The following THRAP3 variants were observed in gnomAD, a reference collection of about 807,000 sequenced individuals.
The protein encoded by THRAP3 is thyroid hormone receptor-associated protein 3.
A neutral mutation model predicts 101.0 loss-of-function variants in THRAP3; 16 were observed. The observed-to-expected ratio is 0.16, with a 90% CI of 0.11 to 0.24. THRAP3 has a LOEUF of 0.24. Among genes scored for constraint, THRAP3 ranks in the 10% least tolerant of loss-of-function variants. The pLI is 1.00. For synonymous variants in THRAP3, 407 were observed against 422.6 expected, an observed-to-expected ratio of 0.96 and a Z score of 0.45; for missense variants, 989 against 1,202.7, an observed-to-expected ratio of 0.82 and a Z score of 2.63.
At chr1:36,294,977 A>G (rs990328943) in intron 8 of THRAP3, among the ~76,000 whole-genome samples, 5 of 152,136 alleles carry the variant, frequency 3.3e-5, no homozygotes, top group African/African-American at 1.2e-4. Flanking sequence ...TAATCCCAGC[A>G]CTTTGGGAGG....
intron 1 of THRAP3, chr1:36,225,486 C>T (rs544251651): frequency 1.8e-4 from 27 of 152,278 alleles, no homozygotes; most frequent in Admixed American, 5.9e-4. Context: ...GACCCCTTTA[C>T]AGGGTTATTG....
chr1:36,290,450 A>G (rs1352533557), intron 5 of THRAP3, among the ~76,000 whole-genome samples: 1 of 151,682 alleles, frequency 6.6e-6, no homozygotes, highest in Non-Finnish European at 1.5e-5. Flanking sequence ...TGGCCTCCCA[A>G]AGTGCTGGGA....
At chr1:36,224,014 A>G (rs945203227), upstream of THRAP3, among the ~76,000 whole-genome samples, 1 of 152,240 alleles carries the variant, frequency 6.6e-6, no homozygotes, top group African/African-American at 2.4e-5. Flanking sequence ...GCTCAAGGTC[A>G]CAAAGCGGAA....
intron 2 of THRAP3, among the ~76,000 whole-genome samples, chr1:36,269,040 A>ATTTTTGTTTGACTAT (rs1645554698): frequency 6.6e-6 from 1 of 150,678 alleles, no homozygotes; most frequent in African/African-American, 2.4e-5. Context: ...TAGTTTTTTA[A>ATTTTTGTTTGACTAT]TCTGGAGAAA....
At chr1:36,246,469 G>A (rs1044522673) in intron 1 of THRAP3, among the ~76,000 whole-genome samples, 1 of 151,984 alleles carries the variant, frequency 6.6e-6, no homozygotes, top group African/African-American at 2.4e-5. Flanking sequence ...CTGATCTCAA[G>A]TTATCTCTCC....
intron 1 of THRAP3, among the ~76,000 whole-genome samples, chr1:36,255,060 T>G (rs535476952): frequency 6.6e-5 from 10 of 152,372 alleles, no homozygotes; most frequent in African/African-American, 2.2e-4. Context: ...AAGGTTTATT[T>G]GCTAAGCTGT....
chr1:36,255,350 C>T (rs559457518), intron 1 of THRAP3, among the ~76,000 whole-genome samples: 4 of 151,294 alleles, frequency 2.6e-5, no homozygotes, highest in African/African-American at 4.8e-5. Context: ...TGCCAGGGGC[C>T]GGGTACTGTG....
At chr1:36,245,341 G>A (rs1570254433) in intron 1 of THRAP3, among the ~76,000 whole-genome samples, 1 of 151,632 alleles carries the variant, frequency 6.6e-6, no homozygotes, top group Admixed American at 6.6e-5. Flanking sequence ...TAATTTTTTT[G>A]TATTTTTAGT....
At chr1:36,274,873 C>T (rs1645636130) in intron 2 of THRAP3, among the ~76,000 whole-genome samples, 1 of 151,074 alleles carries the variant, frequency 6.6e-6, no homozygotes, top group African/African-American at 2.4e-5. Flanking sequence ...CCAAGTGATC[C>T]ACCCGCCTTG....
chr1:36,236,815 A>G (rs1380389161), intron 1 of THRAP3, among the ~76,000 whole-genome samples: 1 of 152,214 alleles, frequency 6.6e-6, no homozygotes, highest in African/African-American at 2.4e-5. Context: ...AAAGTAAACA[A>G]TTTGGGGACA....
At chr1:36,296,010 A>G (rs1227892050) in intron 8 of THRAP3, among the ~76,000 whole-genome samples, 21 of 78,960 alleles carry the variant, frequency 2.7e-4, no homozygotes, top group Admixed American at 1.1e-3. Flanking sequence ...GTCTTGTTCT[A>G]TTGGCCAGGA....
intron 1 of THRAP3, among the ~76,000 whole-genome samples, chr1:36,247,265 T>C (rs1289500601): frequency 6.6e-6 from 1 of 151,116 alleles, no homozygotes; most frequent in East Asian, 2.0e-4. Flanking sequence ...TGCAGTGAGC[T>C]GAGATGGAGT....
chr1:36,264,723 G>A lies in THRAP3; in HGVS notation c.-32+5239G>A, dbSNP rs1645490077. On this transcript the variant is annotated intron_variant, in intron 2 of 11. Transcript: ENST00000354618. ...CTTTTGGTCTTAACTGTGAAATATT[G>A]GTAACATTACCTTTATCTTTTTTTT... Among the ~76,000 whole-genome samples, 4 of 151,978 alleles carry A rather than the reference G, an allele frequency of 2.6e-5. No homozygotes were observed. In the South Asian group the frequency reaches 8.3e-4, roughly 32 times the overall value.
chr1:36,220,972 A>AAAAAAAAAAAAAAT (rs1285765741), upstream of THRAP3, among the ~76,000 whole-genome samples: 2 of 94,148 alleles, frequency 2.1e-5, no homozygotes, highest in African/African-American at 9.5e-5. Context: ...AAAAAAAAAA[A>AAAAAAAAAAAAAAT]ATATATATAT....
intron 1 of THRAP3, among the ~76,000 whole-genome samples, chr1:36,253,781 G>GTTTTTTTTTT (rs1353553825): frequency 6.0e-4 from 21 of 35,120 alleles, no homozygotes; most frequent in South Asian, 1.0e-3. Context: ...TTTTTTTTTA[G>GTTTTTTTTTT]TTTTTGTAGA....
intron 2 of THRAP3, among the ~76,000 whole-genome samples, chr1:36,270,712 G>A (rs186959089): frequency 5.2e-4 from 79 of 151,536 alleles, no homozygotes; most frequent in African/African-American, 1.9e-3. Context: ...TGAGTAGCTG[G>A]GATTACAGGC....
rs1645533737 is a variant in THRAP3, at chr1:36,267,809, C to T, written c.-32+8325C>T. On this transcript the variant is annotated intron_variant, in intron 2 of 11. Transcript: ENST00000354618. The stretch of plus-strand genomic sequence containing the variant: ...CGGGGCATCCGGGGGCTTTCGGAGA[C>T]TGAGTTCTGTTAGAAAAGGTCTGTT... Among the ~76,000 whole-genome samples, 2 of 48,284 alleles carry T rather than the reference C, an allele frequency of 4.1e-5. 1 individual carries two copies. The highest frequency in any genetic ancestry group is 2.1e-3 in the South Asian group (2 of 934). 31.7% of individuals were successfully genotyped at this position (48,284 alleles called of 152,430 possible). A position where few individuals can be genotyped will look rare whatever the true frequency, so the allele number is the denominator to read the frequency against.
intron 2 of THRAP3, among the ~76,000 whole-genome samples, chr1:36,260,753 C>G (rs548537750): frequency 6.9e-6 from 1 of 145,464 alleles, no homozygotes; most frequent in East Asian, 2.2e-4. Context: ...ACCCAGGAGG[C>G]GGAGCTTGCA....
At chr1:36,228,083 G>A (rs1003979342) in intron 1 of THRAP3, among the ~76,000 whole-genome samples, 10 of 133,694 alleles carry the variant, frequency 7.5e-5, no homozygotes, top group Non-Finnish European at 1.2e-4. Context: ...GTCTTCCTCT[G>A]TTGCCCAGGC....
Sources: gnomAD v4.1 joint callset for allele counts (sites outside exome capture counted in the v4.1 genomes callset) on GRCh38, gnomAD v4.1.1 for gene constraint, MANE v1.5 for transcripts, NCBI Gene and HGNC (gene_info 2026-07-23, HGNC 2026-07-21) for gene names.